The following POT1 variants were observed in gnomAD, a reference collection of about 807,000 sequenced individuals.
The protein encoded by POT1 is protection of telomeres 1.
A neutral mutation model predicts 78.5 loss-of-function variants in POT1; 47 were observed. The observed-to-expected ratio is 0.60, with a 90% CI of 0.47 to 0.76. The LOEUF (loss-of-function observed/expected upper bound fraction) is 0.76. POT1 is among the 30% of genes least tolerant of loss of function. POT1 has a pLI of 0.00. For missense variants in POT1, 646 were observed against 749.9 expected (o/e 0.86, Z 1.62); for synonymous variants, 259 against 260.7 (o/e 0.99, Z 0.06).
At chr7:124,885,046 T>C (rs1367943155) in intron 6 of POT1, among the ~76,000 whole-genome samples, 44 of 152,172 alleles carry the variant, frequency 2.9e-4, no homozygotes, top group Non-Finnish European at 5.9e-5. Flanking sequence ...AGCAAAAGTA[T>C]AGGTAAGGTT....
At chr7:124,921,990 C>T (rs1449584279) in intron 2 of POT1, among the ~76,000 whole-genome samples, 3 of 151,880 alleles carry the variant, frequency 2.0e-5, no homozygotes, top group African/African-American at 7.3e-5. Context: ...CTTACTTAAG[C>T]ACATGCCAGT....
intron 6 of POT1, among the ~76,000 whole-genome samples, chr7:124,886,968 T>C (rs1464229469): frequency 6.6e-6 from 1 of 152,156 alleles, no homozygotes; most frequent in African/African-American, 2.4e-5. Context: ...ATATCTTCTA[T>C]AGATACATTA....
chr7:124,853,885 T>C (rs1206679245), intron 9 of POT1, among the ~76,000 whole-genome samples: 1 of 152,048 alleles, frequency 6.6e-6, no homozygotes, highest in Non-Finnish European at 1.5e-5. Flanking sequence ...TTCAAAGATA[T>C]TGACACCTAC....
At chr7:124,853,180 T>C (rs781606313) in intron 9 of POT1, 42 bp from the exon 10 acceptor site, 103 of 1,423,110 alleles carry the variant, frequency 7.2e-5, no homozygotes, top group Admixed American at 2.1e-5. Flanking sequence ...TGGGGAAAAA[T>C]TAAAATACTT....
At chr7:124,920,183 A>G (rs953670931) in intron 2 of POT1, among the ~76,000 whole-genome samples, 6 of 152,210 alleles carry the variant, frequency 3.9e-5, no homozygotes, top group African/African-American at 1.4e-4. Context: ...CAAAAACTGG[A>G]AAGAATCCAA....
intron 7 of POT1, among the ~76,000 whole-genome samples, chr7:124,868,628 A>T (rs1248928378): frequency 1.3e-5 from 2 of 151,420 alleles, no homozygotes. Context: ...ATAGTAAAAA[A>T]AGGTAACTAT....
intron 15 of POT1, among the ~76,000 whole-genome samples, chr7:124,832,345 C>A (rs1443863749): frequency 6.7e-6 from 1 of 149,410 alleles, no homozygotes; most frequent in South Asian, 2.1e-4. Context: ...TGTGATGTTA[C>A]TTTTTTAATT....
intron 6 of POT1, among the ~76,000 whole-genome samples, chr7:124,874,339 G>A (rs1460498282): frequency 1.3e-5 from 2 of 152,102 alleles, no homozygotes; most frequent in African/African-American, 2.4e-5. Flanking sequence ...AGGGGAGGGC[G>A]TATTAGAGAA....
At chr7:124,829,738 A>T (rs925032434) in intron 15 of POT1, among the ~76,000 whole-genome samples, 11 of 144,202 alleles carry the variant, frequency 7.6e-5, no homozygotes, top group South Asian at 4.2e-4. Context: ...ATATATATAT[A>T]TTTTTTAAGA....
At chr7:124,873,384 C>T (rs1297539572) in intron 6 of POT1, among the ~76,000 whole-genome samples, 1 of 152,094 alleles carries the variant, frequency 6.6e-6, no homozygotes, top group Non-Finnish European at 1.5e-5. Context: ...TTTTTGTGCT[C>T]CATTCTGCTA....
rs186198046 is a variant in POT1, at chr7:124,902,048, G to A, written c.-153-3674C>T. 1.6e-4 allele frequency among the ~76,000 whole-genome samples: 24 copies of A among 152,286 alleles called. 1 individual carries two copies. The highest frequency in any genetic ancestry group is 2.4e-4 in the Non-Finnish European group (16 of 68,028). On this transcript the variant is annotated intron_variant, in intron 3 of 18. Coordinates refer to ENST00000357628, the MANE Select transcript of POT1 (RefSeq NM_015450.3). ...ATAAGAAAAGACCAAATCTACATTTGATTGGTGTACCTAAAAGTGATGGGG... is the reference window on the plus strand; with the variant it reads ...ATAAGAAAAGACCAAATCTACATTTAATTGGTGTACCTAAAAGTGATGGGG...
chr7:124,890,399 A>G (rs1043585666), intron 6 of POT1, among the ~76,000 whole-genome samples: 1 of 151,992 alleles, frequency 6.6e-6, no homozygotes, highest in Admixed American at 6.6e-5. Flanking sequence ...ATGACAACAA[A>G]AGACTTAGAA....
chr7:124,881,562 T>G (rs867397248), intron 6 of POT1, among the ~76,000 whole-genome samples: 9 of 152,130 alleles, frequency 5.9e-5, no homozygotes, highest in Admixed American at 1.3e-4. Flanking sequence ...ATTCATGGCA[T>G]GAAGGGAACC....
chr7:124,908,545 G>T (rs765257336), intron 3 of POT1, among the ~76,000 whole-genome samples: 2 of 151,678 alleles, frequency 1.3e-5, no homozygotes, highest in Non-Finnish European at 2.9e-5. Flanking sequence ...TTCTCTCTTT[G>T]CAATCTATAA....
chr7:124,924,930 C>A (rs956559067), intron 2 of POT1, among the ~76,000 whole-genome samples: 1 of 151,844 alleles, frequency 6.6e-6, no homozygotes, highest in Non-Finnish European at 1.5e-5. Flanking sequence ...TGACAAAAAT[C>A]CTCAACAAAC....
At chr7:124,925,409 T>C (rs1402979265) in intron 2 of POT1, among the ~76,000 whole-genome samples, 1 of 151,824 alleles carries the variant, frequency 6.6e-6, no homozygotes, top group Admixed American at 6.6e-5. Flanking sequence ...ACTAACAAGG[T>C]GAAAGATCTC....
chr7:124,921,592 T>C lies in POT1; in HGVS notation c.-226-5946A>G, dbSNP rs1362875087. Among the ~76,000 whole-genome samples the C allele has an allele frequency of 2.6e-5, 4 of 152,142 alleles. No individual in the cohort carries two copies. In the East Asian group the frequency reaches 5.8e-4, roughly 22 times the overall value. On this transcript the variant is annotated intron_variant, in intron 2 of 18. Coordinates refer to ENST00000357628, the MANE Select transcript of POT1 (RefSeq NM_015450.3). ...AGATTTCTCTCTATTATCAGATGCA[T>C]TTTGTCCCTCACCCCCTCAACTAAA... is the stretch of plus-strand genomic sequence containing the variant.
At chr7:124,880,789 A>G (rs1047511691) in intron 6 of POT1, among the ~76,000 whole-genome samples, 2 of 140,734 alleles carry the variant, frequency 1.4e-5, no homozygotes, top group African/African-American at 2.7e-5. Context: ...TTTCTCAAAT[A>G]AAAGTACTGC....
intron 2 of POT1, among the ~76,000 whole-genome samples, chr7:124,924,961 C>T (rs144902705): frequency 5.9e-4 from 89 of 152,020 alleles, no homozygotes; most frequent in African/African-American, 2.1e-3. Flanking sequence ...AGGAACATCC[C>T]TCAACATAAT....
Sources: allele counts gnomAD v4.1 joint callset (sites outside exome capture counted in the v4.1 genomes callset), GRCh38; gene constraint gnomAD v4.1.1; transcripts MANE v1.5; gene names NCBI Gene and HGNC (gene_info 2026-07-23, HGNC 2026-07-21).